DKK2: variants seen among roughly 807,000 people sequenced by gnomAD.
The protein encoded by DKK2 is dickkopf-related protein 2.
Under a neutral mutation model 28.1 loss-of-function variants are expected in DKK2, and 11 were observed. The ratio of observed to expected loss-of-function variants is 0.39; its 90% CI spans 0.25 to 0.65. The LOEUF (loss-of-function observed/expected upper bound fraction) is 0.65, where lower values mean the gene tolerates loss of function less well. Ranked by LOEUF, DKK2 falls within the 30% of genes least tolerant of loss-of-function variation. The pLI is 0.47. For missense variants in DKK2, 326 were observed against 335.5 expected (o/e 0.97, Z 0.22); for synonymous variants, 135 against 126.5 (o/e 1.07, Z -0.45).
intron 1 of DKK2, among the ~76,000 whole-genome samples, chr4:107,012,030 C>T (rs553844770): frequency 2.0e-5 from 3 of 151,318 alleles, no homozygotes; most frequent in South Asian, 4.2e-4. Flanking sequence ...TCCTCCATTA[C>T]CTTTATAACA....
chr4:106,988,532 G>C (rs1313136516), intron 1 of DKK2, among the ~76,000 whole-genome samples: 1 of 152,140 alleles, frequency 6.6e-6, no homozygotes, highest in Non-Finnish European at 1.5e-5. Flanking sequence ...TCTCCTTTTA[G>C]TGTTTAATGT....
chr4:106,968,058 TGAA>T (rs1722809984), intron 1 of DKK2, among the ~76,000 whole-genome samples: 1 of 123,106 alleles, frequency 8.1e-6, no homozygotes, highest in African/African-American at 3.2e-5. Flanking sequence ...AACGGAGGAA[TGAA>T]GAAAGGGGGA....
At chr4:106,979,322 C>T (rs1722993529) in intron 1 of DKK2, among the ~76,000 whole-genome samples, 1 of 152,086 alleles carries the variant, frequency 6.6e-6, no homozygotes, top group African/African-American at 2.4e-5. Flanking sequence ...TGACTGTAGG[C>T]TAACAAAGGT....
intron 1 of DKK2, among the ~76,000 whole-genome samples, chr4:106,970,939 C>A (rs1722860255): frequency 1.3e-5 from 2 of 151,972 alleles, no homozygotes; most frequent in Non-Finnish European, 2.9e-5. Flanking sequence ...CATTTGGAAA[C>A]AGAAAAAAGG....
chr4:106,967,372 C>T (rs1722798252), intron 1 of DKK2, among the ~76,000 whole-genome samples: 1 of 152,026 alleles, frequency 6.6e-6, no homozygotes, highest in South Asian at 2.1e-4. Flanking sequence ...CTGAAGGATA[C>T]CTAGGAGTTA....
intron 1 of DKK2, among the ~76,000 whole-genome samples, chr4:107,024,143 T>C (rs1320343334): frequency 6.6e-6 from 1 of 152,166 alleles, no homozygotes; most frequent in East Asian, 1.9e-4. Flanking sequence ...TAACCTATAA[T>C]GTGTCCAAAA....
Position 107,035,728 on chromosome 4 carries a change from C to CCCCGAACCAGGAA in DKK2, c.-138_-137insTTCCTGGTTCGGG. ...TGTGTTCCCTCAACCCTTCCTGGTT[C>CCCCGAACCAGGAA]GGGGACCCAGGACCCTATGAACTCA... On this transcript the variant is annotated 5_prime_UTR_variant, in exon 1 of 4. Transcript: ENST00000285311. 1.2e-6 allele frequency: 1 copy of CCCCGAACCAGGAA among 848,906 alleles called. No homozygotes were observed. Among genetic ancestry groups the CCCCGAACCAGGAA allele is most frequent in the Non-Finnish European group, 1.8e-6 (1 of 546,398 alleles). 52.6% of individuals were successfully genotyped at this position (848,906 alleles called of 1,614,324 possible).
intron 1 of DKK2, among the ~76,000 whole-genome samples, chr4:107,032,754 A>G (rs1397051040): frequency 6.6e-6 from 1 of 152,158 alleles, no homozygotes; most frequent in Non-Finnish European, 1.5e-5. Flanking sequence ...ATTAGGTCTT[A>G]GGATGATACT....
chr4:106,936,537 A>T (rs1236798708), intron 1 of DKK2, among the ~76,000 whole-genome samples: 1 of 152,210 alleles, frequency 6.6e-6, no homozygotes, highest in Non-Finnish European at 1.5e-5. Flanking sequence ...GTTGGAAAAC[A>T]CTCTGCAGGA....
chr4:106,961,507 A>T (rs1176424354), intron 1 of DKK2, among the ~76,000 whole-genome samples: 1 of 152,014 alleles, frequency 6.6e-6, no homozygotes, highest in Non-Finnish European at 1.5e-5. Flanking sequence ...AATAAATTTT[A>T]AAATGTTTGA....
chr4:106,985,698 A>C (rs532877385), intron 1 of DKK2, among the ~76,000 whole-genome samples: 2 of 151,848 alleles, frequency 1.3e-5, no homozygotes, highest in South Asian at 4.2e-4. Context: ...AATCCCAACT[A>C]TACAGGAGAC....
intron 1 of DKK2, among the ~76,000 whole-genome samples, chr4:106,938,418 G>T (rs1323350713): frequency 6.6e-6 from 1 of 152,152 alleles, no homozygotes; most frequent in Non-Finnish European, 1.5e-5. Flanking sequence ...GACTAAACCA[G>T]GAAGAAGTTG....
At chr4:106,936,423 A>G (rs1724589503) in intron 1 of DKK2, among the ~76,000 whole-genome samples, 1 of 152,218 alleles carries the variant, frequency 6.6e-6, no homozygotes, top group South Asian at 2.1e-4. Context: ...AGAAAAAAGA[A>G]TAAAAAGAAA....
At chr4:107,029,323 T>G (rs1345985731) in intron 1 of DKK2, among the ~76,000 whole-genome samples, 1 of 152,192 alleles carries the variant, frequency 6.6e-6, no homozygotes, top group Admixed American at 6.5e-5. Flanking sequence ...GAACTTTAGC[T>G]TTCTCCATTT....
intron 1 of DKK2, among the ~76,000 whole-genome samples, chr4:106,967,744 G>A (rs1722803671): frequency 6.6e-6 from 1 of 151,404 alleles, no homozygotes; most frequent in African/African-American, 2.4e-5. Context: ...AACAGAGGGA[G>A]GGAGGGAGGA....
intron 1 of DKK2, among the ~76,000 whole-genome samples, chr4:106,996,674 CA>C (rs903129352): frequency 1.3e-5 from 2 of 152,146 alleles, no homozygotes; most frequent in Non-Finnish European, 2.9e-5. Context: ...TGAGGAAAAA[CA>C]GCTGCACAAA....
intron 1 of DKK2, among the ~76,000 whole-genome samples, chr4:106,978,820 T>A (rs1279591781): frequency 2.0e-5 from 3 of 151,056 alleles, no homozygotes; most frequent in Admixed American, 6.6e-5. Context: ...AACAAACTCC[T>A]GCAGCTAGCT....
At chr4:106,999,967 A>C (rs1009092551) in intron 1 of DKK2, among the ~76,000 whole-genome samples, 5 of 152,222 alleles carry the variant, frequency 3.3e-5, no homozygotes, top group Admixed American at 2.0e-4. Flanking sequence ...AAATGTGATA[A>C]TGAAATACGT....
chr4:106,962,687 A>G (rs1722710003), intron 1 of DKK2, among the ~76,000 whole-genome samples: 1 of 152,092 alleles, frequency 6.6e-6, no homozygotes, highest in African/African-American at 2.4e-5. Flanking sequence ...ACTCCAAGAC[A>G]TTTGTCTGGG....
Sources: allele counts gnomAD v4.1 joint callset (sites outside exome capture counted in the v4.1 genomes callset), GRCh38; gene constraint gnomAD v4.1.1; transcripts MANE v1.5; gene names NCBI Gene and HGNC (gene_info 2026-07-23, HGNC 2026-07-21).